Variants in SPATA24 observed in about 807,000 individuals in gnomAD.
SPATA24 encodes spermatogenesis associated 24.
SPATA24 carries 21 observed loss-of-function variants against 28.9 expected under a neutral mutation model. The observed-to-expected ratio is 0.73, with a 90% CI of 0.52 to 1.05. The LOEUF (loss-of-function observed/expected upper bound fraction) is 1.05, where lower values mean the gene tolerates loss of function less well. Among genes scored for constraint, SPATA24 ranks in the 50% least tolerant of loss-of-function variants. The probability of loss-of-function intolerance (pLI) is 0.00; values close to 1 mark genes in which losing one functional copy is unlikely to be tolerated. For missense variants in SPATA24, 215 were observed against 242.9 expected, an observed-to-expected ratio of 0.88 and a Z score of 0.76; for synonymous variants, 76 against 89.9, an observed-to-expected ratio of 0.85 and a Z score of 0.88.
downstream of SPATA24, chr5:139,393,627 T>G (rs1161154498): frequency 1.9e-6 from 3 of 1,548,884 alleles, no homozygotes; most frequent in South Asian, 2.4e-5. Flanking sequence ...CATCCGCGAC[T>G]GCCGAATGTG....
chr5:139,396,180 C>T, downstream of SPATA24: 1 of 985,400 alleles, frequency 1.0e-6, no homozygotes, highest in Non-Finnish European at 1.2e-6. Context: ...TGAAGTGGGT[C>T]CTCTGCCTGG....
downstream of SPATA24, chr5:139,394,927 C>A: frequency 6.6e-7 from 1 of 1,519,978 alleles, no homozygotes; most frequent in Non-Finnish European, 8.8e-7. Flanking sequence ...ATTCGCTGGG[C>A]CTTTCGCGTC....
chr5:139,401,875 C>T, intron 3 of SPATA24, 40 bp downstream of exon 3: 1 of 1,547,942 alleles, frequency 6.5e-7, no homozygotes, highest in South Asian at 1.2e-5. Flanking sequence ...CAAGCAGATG[C>T]ATCCCCCAAA....
At chr5:139,395,514 CAGGT>C (rs1758686360), downstream of SPATA24, 1 of 168,770 alleles carries the variant, frequency 5.9e-6, no homozygotes, top group Non-Finnish European at 1.3e-5. Flanking sequence ...CCAGGAGACT[CAGGT>C]AGGGCCAGCA....
chr5:139,397,188 G>T (rs1271639105), intron 4 of SPATA24, 45 bp from the exon 5 acceptor site: 3 of 1,462,338 alleles, frequency 2.1e-6, no homozygotes, highest in East Asian at 2.5e-5. Context: ...CCCATCCCAG[G>T]GCTCCTTCCT....
Position 139,402,053 on chromosome 5 carries a change from G to A in SPATA24, c.184-8C>T, listed in dbSNP as rs1476163032. On this transcript the variant is annotated splice_polypyrimidine_tract_variant and splice_region_variant and intron_variant, in intron 2 of 5. Transcript: ENST00000450845. ...ATGGGCAGCTTTCTCTTCCTGCAGG[G>A]GCAGCAGCAGTCACCTCATTACCCT... The A allele has an allele frequency of 6.5e-7, 1 of 1,550,272 alleles. No individual in the cohort carries two copies. The highest frequency in any genetic ancestry group is 2.4e-5 in the East Asian group (1 of 40,900).
downstream of SPATA24, chr5:139,396,516 C>T: frequency 8.0e-7 from 1 of 1,247,446 alleles, no homozygotes; most frequent in South Asian, 1.8e-5. Context: ...GCCCTGTAGT[C>T]AAGTTGGGAA....
chr5:139,392,546 T>A (rs1758616030), downstream of SPATA24: 5 of 1,347,188 alleles, frequency 3.7e-6, no homozygotes, highest in South Asian at 9.5e-5. This position sits in a 1 kb window ranked among gnomAD's most constrained non-coding sequence, Gnocchi z 5.8. Flanking sequence ...GCTGGGGCCG[T>A]CCTGCCCGCC....
chr5:139,393,922 G>A, downstream of SPATA24: 1 of 1,550,980 alleles, frequency 6.4e-7, no homozygotes. Flanking sequence ...TGGCCTCACA[G>A]CCCTACTCGG....
chr5:139,394,873 C>T (rs1758668854), downstream of SPATA24: 4 of 1,520,726 alleles, frequency 2.6e-6, no homozygotes, highest in Non-Finnish European at 3.5e-6. Flanking sequence ...GACGGACAGG[C>T]GAGGCTGCGC....
At chr5:139,392,681 G>T, downstream of SPATA24, 1 of 1,396,720 alleles carries the variant, frequency 7.2e-7, no homozygotes. This position sits in a 1 kb window ranked among gnomAD's most constrained non-coding sequence, Gnocchi z 5.8. Flanking sequence ...GGGGAGCCGG[G>T]GCGGGGCGAT....
downstream of SPATA24, chr5:139,394,889 C>A (rs1490664208): frequency 6.0e-6 from 9 of 1,511,348 alleles, no homozygotes; most frequent in Non-Finnish European, 8.0e-6. Flanking sequence ...TGCGCGCCCG[C>A]CCCCCGCCCA....
At position 139,397,162 on chromosome 5, in the gene SPATA24, G is replaced by C; in HGVS notation, c.386-19C>G. 6.5e-7 allele frequency: 1 copy of C among 1,540,890 alleles called. No individual in the cohort carries two copies. The highest frequency in any genetic ancestry group is 8.8e-7 in the Non-Finnish European group (1 of 1,137,080). On this transcript the variant is annotated intron_variant, in intron 4 of 5. Transcript: ENST00000450845. ...TCAATCTCTGTGGGGGAGAGAGGCA[G>C]GGAGGAGGGGTGGTTCCCATCCCAG... is the stretch of plus-strand genomic sequence containing the variant.
rs1758827269 is a variant in SPATA24, at chr5:139,401,792, C to T, written c.348G>A (p.Glu116=). Residue 116 remains glutamate (E), a synonymous_variant, in exon 4 of 6, where the codon GAG becomes GAA. Transcript: ENST00000450845. ...LSSVKSKVLQ[E]SSKKDQLITK... is the part of the protein sequence containing the mutation. ...TGATGAGCTGGTCCTTCTTGCTGGA[C>T]TCCTGAAGGACTTTGCTCTTGACAC... The T allele has an allele frequency of 1.3e-6, 2 of 1,551,546 alleles. No individual in the cohort carries two copies. The highest frequency in any genetic ancestry group is 1.7e-6 in the Non-Finnish European group (2 of 1,146,986).
downstream of SPATA24, chr5:139,394,730 C>G: frequency 6.5e-7 from 1 of 1,532,332 alleles, no homozygotes; most frequent in Non-Finnish European, 8.7e-7. Flanking sequence ...AACAGGGGTC[C>G]GACGCCGAAG....
At chr5:139,396,510 TG>T (rs1156632805), downstream of SPATA24, 11 of 1,238,488 alleles carry the variant, frequency 8.9e-6, no homozygotes, top group Non-Finnish European at 1.1e-5. Context: ...CTTCCGGCCC[TG>T]TAGTCAAGTT....
At chr5:139,394,491 G>A (rs1758659628), downstream of SPATA24, 1 of 1,421,516 alleles carries the variant, frequency 7.0e-7, no homozygotes. Context: ...TGGCGGGCGC[G>A]GCGCCCTCCT....
downstream of SPATA24, chr5:139,394,226 G>A (rs1322528743): frequency 9.0e-6 from 14 of 1,548,670 alleles, no homozygotes; most frequent in Admixed American, 2.0e-5. Flanking sequence ...TGGGTGCTGC[G>A]GGCCGTTTCC....
chr5:139,397,307 T>TG (rs1051919093), intron 4 of SPATA24, among the ~76,000 whole-genome samples, 164 bp from the exon 5 acceptor site: 1 of 152,074 alleles, frequency 6.6e-6, no homozygotes, highest in African/African-American at 2.4e-5. Flanking sequence ...TATGCAGTCT[T>TG]GGGGGAGTGC....
Sources: gnomAD v4.1 joint callset for allele counts (sites outside exome capture counted in the v4.1 genomes callset) on GRCh38, gnomAD v4.1.1 for gene constraint, Gnocchi (gnomAD v3.1) non-coding constraint, MANE v1.5 for transcripts, NCBI Gene and HGNC (gene_info 2026-07-23, HGNC 2026-07-21) for gene names.